Variants in LSAMP observed in about 807,000 individuals in gnomAD.
The protein encoded by LSAMP is limbic system associated membrane protein.
LSAMP carries 7 observed loss-of-function variants against 38.6 expected under a neutral mutation model. The ratio of observed to expected loss-of-function variants is 0.18; its 90% CI spans 0.10 to 0.34. The LOEUF is 0.34. Ranked by LOEUF, LSAMP falls within the 10% of genes least tolerant of loss-of-function variation. The probability of loss-of-function intolerance (pLI) is 1.00; values close to 1 mark genes in which losing one functional copy is unlikely to be tolerated. For missense variants in LSAMP, 313 were observed against 420.0 expected, an observed-to-expected ratio of 0.75 and a Z score of 2.23; for synonymous variants, 154 against 166.8, an observed-to-expected ratio of 0.92 and a Z score of 0.59.
chr3:115,816,543 T>G (rs1235966798), intron 6 of LSAMP: 1 of 897,858 alleles, frequency 1.1e-6, no homozygotes, highest in Non-Finnish European at 1.5e-6. Flanking sequence ...CTCAAGTATA[T>G]AAGACAACAA....
intron 2 of LSAMP, among the ~76,000 whole-genome samples, chr3:116,020,692 C>T (rs559129536): frequency 3.7e-4 from 57 of 152,256 alleles, no homozygotes; most frequent in Middle Eastern, 3.4e-3. Flanking sequence ...GATCACACGT[C>T]GGTAGGCTTA....
At chr3:115,839,233 CCTT>C (rs1339942715) in intron 6 of LSAMP, among the ~76,000 whole-genome samples, 1 of 132,650 alleles carries the variant, frequency 7.5e-6, no homozygotes, top group Non-Finnish European at 1.7e-5. Flanking sequence ...TCCCTCCCTT[CCTT>C]CTTTCCTTCC....
chr3:116,367,569 A>G (rs2048370995), intron 1 of LSAMP, among the ~76,000 whole-genome samples: 1 of 150,182 alleles, frequency 6.7e-6, no homozygotes, highest in Non-Finnish European at 1.5e-5. Context: ...CAGTGGTGCA[A>G]TCTCAGCTCA....
At chr3:116,135,472 A>G (rs934870156) in intron 1 of LSAMP, among the ~76,000 whole-genome samples, 5 of 152,188 alleles carry the variant, frequency 3.3e-5, no homozygotes, top group African/African-American at 1.2e-4. Context: ...ACTGTTAACT[A>G]CTATGGGATC....
At chr3:115,828,952 A>T (rs1273814803) in intron 6 of LSAMP, among the ~76,000 whole-genome samples, 1 of 152,204 alleles carries the variant, frequency 6.6e-6, no homozygotes, top group East Asian at 1.9e-4. Flanking sequence ...AAAACCAGGA[A>T]GAGGCATTAG....
At chr3:116,346,327 CT>C (rs11391341) in intron 1 of LSAMP, among the ~76,000 whole-genome samples, 83 of 142,240 alleles carry the variant, frequency 5.8e-4, no homozygotes, top group Admixed American at 1.2e-3. Flanking sequence ...TTAGTTTTAT[CT>C]TTTTTTTTTT....
intron 3 of LSAMP, among the ~76,000 whole-genome samples, chr3:115,959,838 A>G (rs1220111710): frequency 6.6e-6 from 1 of 152,074 alleles, no homozygotes; most frequent in Non-Finnish European, 1.5e-5. Context: ...CAAAGTTTGG[A>G]TTTATTGCCT....
Position 116,067,100 on chromosome 3 carries a change from C to T in LSAMP, c.388+19224G>A, listed in dbSNP as rs1559729452. 3.9e-5 allele frequency among the ~76,000 whole-genome samples: 6 copies of T among 152,210 alleles called. No individual in the cohort carries two copies. The South Asian group carries it at 1.2e-3, about 32-fold the overall frequency. On this transcript the variant is annotated intron_variant, in intron 2 of 6. Transcript: ENST00000490035. ...CTTAAGGAAAAACATCAGTAACTCCCTTCAATGTGCAAATCCCACAATCCT... is the reference window on the plus strand; with the variant it reads ...CTTAAGGAAAAACATCAGTAACTCCTTTCAATGTGCAAATCCCACAATCCT...
intron 3 of LSAMP, among the ~76,000 whole-genome samples, chr3:115,890,756 T>C (rs1936578436): frequency 6.6e-6 from 1 of 151,926 alleles, no homozygotes; most frequent in Non-Finnish European, 1.5e-5. Flanking sequence ...GTTGCATCAT[T>C]CCAGAGGTGC....
chr3:115,987,210 A>T (rs967191210), intron 3 of LSAMP, among the ~76,000 whole-genome samples: 1 of 152,150 alleles, frequency 6.6e-6, no homozygotes, highest in African/African-American at 2.4e-5. Flanking sequence ...TCACATTTCT[A>T]AGCCTCCCCT....
At chr3:116,051,100 A>G (rs2107733239) in intron 2 of LSAMP, 1 of 152,292 alleles carries the variant, frequency 6.6e-6, no homozygotes, top group African/African-American at 2.4e-5. Context: ...TCCCCTCCAG[A>G]GGTAATGGAA....
chr3:116,386,660 A>G (rs1267872253), intron 1 of LSAMP, among the ~76,000 whole-genome samples: 4 of 152,086 alleles, frequency 2.6e-5, no homozygotes, highest in African/African-American at 9.7e-5. Flanking sequence ...TTTTATAGAG[A>G]TGGTATCTTG....
At chr3:115,890,428 A>T (rs951623396) in intron 3 of LSAMP, among the ~76,000 whole-genome samples, 1 of 151,888 alleles carries the variant, frequency 6.6e-6, no homozygotes. Context: ...ATCAACATGG[A>T]ACTAGTAGTT....
At chr3:116,400,440 T>TCCC (rs2048824080) in intron 1 of LSAMP, among the ~76,000 whole-genome samples, 3 of 91,504 alleles carry the variant, frequency 3.3e-5, no homozygotes, top group African/African-American at 1.2e-4. Context: ...CCCTCCCTCC[T>TCCC]TCCTTCCTTC....
intron 1 of LSAMP, among the ~76,000 whole-genome samples, chr3:116,156,144 A>G (rs1709741897): frequency 6.6e-6 from 1 of 152,164 alleles, no homozygotes; most frequent in Non-Finnish European, 1.5e-5. Context: ...GATCTCATTC[A>G]GAGTCCCCAG....
intron 2 of LSAMP, among the ~76,000 whole-genome samples, chr3:116,042,136 A>C (rs1236784159): frequency 6.6e-6 from 1 of 152,206 alleles, no homozygotes; most frequent in Non-Finnish European, 1.5e-5. Context: ...ATTCTGAGGC[A>C]TGTGTAACTC....
At chr3:116,444,838 G>A in intron 1 of LSAMP, 39 bp downstream of exon 1, 1 of 1,612,254 alleles carries the variant, frequency 6.2e-7, no homozygotes, top group Non-Finnish European at 8.5e-7. Context: ...ACACACACGT[G>A]TAGACGCGCG....
At chr3:116,379,284 C>T (rs115973941) in intron 1 of LSAMP, among the ~76,000 whole-genome samples, 780 of 151,882 alleles carry the variant, frequency 5.1e-3, no homozygotes, top group Admixed American at 0.011. Context: ...TAAAACAGAC[C>T]ACTGGGATAA....
intron 1 of LSAMP, among the ~76,000 whole-genome samples, chr3:116,299,575 C>T (rs1286611008): frequency 6.6e-6 from 1 of 152,148 alleles, no homozygotes; most frequent in Non-Finnish European, 1.5e-5. Context: ...ATTCTACGTA[C>T]AGAAGTTTCT....
Sources: gnomAD v4.1 joint callset for allele counts (sites outside exome capture counted in the v4.1 genomes callset) on GRCh38, gnomAD v4.1.1 for gene constraint, MANE v1.5 for transcripts, NCBI Gene and HGNC (gene_info 2026-07-23, HGNC 2026-07-21) for gene names.